Variants in MICU3 observed in about 807,000 individuals in gnomAD.
The protein encoded by MICU3 is calcium uptake protein 3, mitochondrial.
A neutral mutation model predicts 66.5 loss-of-function variants in MICU3; 62 were observed. The observed-to-expected ratio is 0.93, with a 90% CI of 0.76 to 1.15. The LOEUF is 1.15. MICU3 is among the 50% of genes most tolerant of loss of function. The pLI is 0.00. For synonymous variants in MICU3, 308 were observed against 240.7 expected (o/e 1.28, Z -2.59); for missense variants, 779 against 664.4 (o/e 1.17, Z -1.90).
intron 7 of MICU3, among the ~76,000 whole-genome samples, 158 bp from the exon 8 acceptor site, chr8:17,090,388 A>T (rs934290671): frequency 6.6e-6 from 1 of 152,132 alleles, no homozygotes; most frequent in Admixed American, 6.6e-5. Context: ...TTTAACATTT[A>T]TCCCACTTGT....
chr8:17,090,401 T>G (rs990262781), intron 7 of MICU3, 145 bp from the exon 8 acceptor site: 2 of 614,004 alleles, frequency 3.3e-6, no homozygotes, highest in Non-Finnish European at 5.7e-6. Flanking sequence ...CCACTTGTAT[T>G]GTTCGTGTGC....
downstream of MICU3, among the ~76,000 whole-genome samples, chr8:17,126,944 C>T (rs1803419321): frequency 6.6e-6 from 1 of 152,060 alleles, no homozygotes; most frequent in Non-Finnish European, 1.5e-5. Flanking sequence ...GTCACATTTA[C>T]CATCAGAGAC....
chr8:17,097,376 T>G, intron 8 of MICU3, among the ~76,000 whole-genome samples: 1 of 151,738 alleles, frequency 6.6e-6, no homozygotes, highest in East Asian at 1.9e-4. Context: ...TTGCTACATT[T>G]ATAGTTATGG....
chr8:17,044,667 C>G (rs1814761660), intron 1 of MICU3, among the ~76,000 whole-genome samples: 1 of 152,242 alleles, frequency 6.6e-6, no homozygotes, highest in African/African-American at 2.4e-5. Flanking sequence ...TCCTCCTTTT[C>G]CCTTTCCACA....
chr8:17,067,418 T>A (rs1451156818), intron 2 of MICU3, among the ~76,000 whole-genome samples: 2 of 150,630 alleles, frequency 1.3e-5, no homozygotes, highest in East Asian at 4.0e-4. Context: ...GTCATCAGAA[T>A]TCATAGCCAT....
At chr8:17,045,621 C>T (rs1039481261) in intron 1 of MICU3, among the ~76,000 whole-genome samples, 2 of 152,216 alleles carry the variant, frequency 1.3e-5, no homozygotes, top group African/African-American at 4.8e-5. Flanking sequence ...CCCGGGCTGG[C>T]AGGGAAGCTG....
At position 17,103,644 on chromosome 8, in the gene MICU3, G is replaced by A. The variant is rs1488953221; in HGVS notation, c.985-747G>A. Among the ~76,000 whole-genome samples, 3 of 151,666 alleles carry A rather than the reference G, an allele frequency of 2.0e-5. No homozygotes were observed. The East Asian group carries it at 5.8e-4, about 29-fold the overall frequency. ...GATCTATAAAGCTATATTAAAGGAAGGTGGATGATTTTCATAGGCCATTAT... is the reference window on the plus strand; with the variant it reads ...GATCTATAAAGCTATATTAAAGGAAAGTGGATGATTTTCATAGGCCATTAT... On this transcript the variant is annotated intron_variant, in intron 9 of 14. Coordinates refer to ENST00000318063, the MANE Select transcript of MICU3 (RefSeq NM_181723.3).
rs762909299 is a variant in MICU3, at chr8:17,081,840, C to T, written c.694+100C>T. 1.3e-5 allele frequency: 8 copies of T among 614,450 alleles called. No individual in the cohort carries two copies. In the South Asian group the frequency reaches 1.3e-4, roughly 10 times the overall value. 38.1% of individuals were successfully genotyped at this position (614,450 alleles called of 1,614,324 possible). A position where few individuals can be genotyped will look rare whatever the true frequency, so the allele number is the denominator to read the frequency against. On this transcript the variant is annotated intron_variant, in intron 5 of 14. Transcript: ENST00000318063. ...TTCTCTTACTCTTGAAAATCAATAT[C>T]CATGCTGTTCTGCAAAATTCATGTT... is the stretch of plus-strand genomic sequence containing the variant.
At chr8:17,060,784 C>T (rs1305855242) in intron 1 of MICU3, among the ~76,000 whole-genome samples, 1 of 150,084 alleles carries the variant, frequency 6.7e-6, no homozygotes, top group Non-Finnish European at 1.5e-5. Context: ...TATACATATT[C>T]TTTTTTTTAG....
At chr8:17,136,233 A>T in the MICU3 span, among the ~76,000 whole-genome samples, 1 of 152,144 alleles carries the variant, frequency 6.6e-6, no homozygotes, top group Non-Finnish European at 1.5e-5. Context: ...GACATTTCTC[A>T]TATATTTTTA....
chr8:17,054,790 G>T (rs1370072121), intron 1 of MICU3, among the ~76,000 whole-genome samples: 1 of 144,374 alleles, frequency 6.9e-6, no homozygotes, highest in Non-Finnish European at 1.5e-5. Flanking sequence ...CCAGGCTGGA[G>T]TGCAGTGGCA....
intron 7 of MICU3, among the ~76,000 whole-genome samples, chr8:17,090,254 T>G (rs901498206): frequency 6.6e-6 from 1 of 152,108 alleles, no homozygotes; most frequent in African/African-American, 2.4e-5. Flanking sequence ...AACCGCATAC[T>G]TCAGGACAAC....
At chr8:17,137,798 C>T in the MICU3 span, among the ~76,000 whole-genome samples, 45,088 of 148,276 alleles carry the variant, frequency 0.3, 8,090 homozygotes, top group Middle Eastern at 0.48. Flanking sequence ...CTCACTGCAA[C>T]CTCCGATTCC....
At chr8:17,113,807 T>A (rs774748226) in intron 11 of MICU3, among the ~76,000 whole-genome samples, 1 of 152,314 alleles carries the variant, frequency 6.6e-6, no homozygotes, top group South Asian at 2.1e-4. Flanking sequence ...TGAAACTTTT[T>A]AATTCTTTTT....
the MICU3 span, chr8:17,132,546 A>G: frequency 6.6e-6 from 1 of 152,224 alleles, no homozygotes; most frequent in Admixed American, 6.5e-5. Flanking sequence ...TATAAAGGCA[A>G]CCCAGTTTCC....
chr8:17,045,081 C>T lies in MICU3; in HGVS notation c.381+17421C>T, dbSNP rs184787651. On this transcript the variant is annotated intron_variant, in intron 1 of 14. Coordinates refer to ENST00000318063, the MANE Select transcript of MICU3 (RefSeq NM_181723.3). The stretch of plus-strand genomic sequence containing the variant: ...AAAGGAAAATTGGAGAATGAATAAT[C>T]GGAGGTATCTGCTAGTCTTTGTTAG... Among the ~76,000 whole-genome samples the T allele has an allele frequency of 2.3e-4, 35 of 151,360 alleles. 1 individual carries two copies. The East Asian group carries it at 6.2e-3, about 27-fold the overall frequency.
chr8:17,037,082 G>T (rs1813152856), intron 1 of MICU3, among the ~76,000 whole-genome samples: 1 of 152,328 alleles, frequency 6.6e-6, no homozygotes, highest in South Asian at 2.1e-4. Context: ...TCACTGCCCG[G>T]GGCCAGCAGG....
the MICU3 span, chr8:17,132,602 C>A: frequency 6.6e-6 from 1 of 152,214 alleles, no homozygotes; most frequent in African/African-American, 2.4e-5. Context: ...AGCAATCCAC[C>A]TTTCTGCCTG....
At chr8:17,051,974 A>G (rs1305347613) in intron 1 of MICU3, among the ~76,000 whole-genome samples, 1 of 152,072 alleles carries the variant, frequency 6.6e-6, no homozygotes, top group Admixed American at 6.6e-5. Flanking sequence ...GTGGAAGAGG[A>G]AAAAATAGGT....
Sources: gnomAD v4.1 joint callset for allele counts (sites outside exome capture counted in the v4.1 genomes callset) on GRCh38, gnomAD v4.1.1 for gene constraint, MANE v1.5 for transcripts, NCBI Gene and HGNC (gene_info 2026-07-23, HGNC 2026-07-21) for gene names.